The following BANP variants were observed in gnomAD, a reference collection of about 807,000 sequenced individuals.
BANP encodes the protein BTG3 associated nuclear protein.
In BANP, 11 loss-of-function variants were observed where a neutral mutation model predicts 68.1. That is an observed-to-expected ratio of 0.16 (90% CI 0.10 to 0.27). The LOEUF (loss-of-function observed/expected upper bound fraction) is 0.27, where lower values mean the gene tolerates loss of function less well. Ranked by LOEUF, BANP falls within the 10% of genes least tolerant of loss-of-function variation. The pLI is 1.00. For synonymous variants in BANP, 329 were observed against 303.2 expected (o/e 1.09, Z -0.88); for missense variants, 504 against 722.7 (o/e 0.70, Z 3.47).
intron 11 of BANP, among the ~76,000 whole-genome samples, chr16:88,054,891 C>T (rs2084594495): frequency 6.6e-6 from 1 of 152,120 alleles, no homozygotes; most frequent in South Asian, 2.1e-4. Flanking sequence ...ATCTAATGTG[C>T]AGTATGGTTT....
intron 2 of BANP, among the ~76,000 whole-genome samples, chr16:87,979,042 C>T (rs769117846): frequency 2.0e-5 from 3 of 152,148 alleles, no homozygotes; most frequent in South Asian, 2.1e-4. Flanking sequence ...CCAGGTAGAT[C>T]GGATTTGACT....
At position 88,033,130 on chromosome 16, in the gene BANP, C is replaced by A. The variant is rs575871053; in HGVS notation, c.1085C>A (p.Pro362His). The A allele has an allele frequency of 6.2e-7, 1 of 1,608,384 alleles. No homozygotes were observed. Among genetic ancestry groups the A allele is most frequent in the Non-Finnish European group, 8.5e-7 (1 of 1,175,882 alleles). ...CPSEPMMSTP[P>H]PASELPQPQP... Reference sequence around the variant, plus strand: ...ACAGAGCCGATGATGAGCACCCCACCTCCTGCCAGCGAGCTCCCGCAGCCA... The same window carrying A: ...ACAGAGCCGATGATGAGCACCCCACATCCTGCCAGCGAGCTCCCGCAGCCA... Residue 362 changes from proline to histidine, a missense_variant, in exon 9 of 14, where the codon CCT (proline) becomes CAT (histidine). This residue lies in a region of BANP where 223 missense variants were observed against 246.2 expected (regional missense o/e 0.91). Transcript: ENST00000682872.
intron 9 of BANP, among the ~76,000 whole-genome samples, chr16:88,033,593 T>C (rs9927296): frequency 0.71 from 108,755 of 152,156 alleles, 42,355 homozygotes; most frequent in East Asian, 0.88. Flanking sequence ...ATCGGAAATA[T>C]TTCTCAGTTC....
At chr16:88,051,401 C>T (rs1420252953) in intron 11 of BANP, among the ~76,000 whole-genome samples, 1 of 151,850 alleles carries the variant, frequency 6.6e-6, no homozygotes, top group Non-Finnish European at 1.5e-5. Flanking sequence ...GGGCAGGACC[C>T]GTGCCCAGCA....
chr16:87,956,757 C>G (rs1055293184), intron 1 of BANP: 4 of 151,964 alleles, frequency 2.6e-5, no homozygotes, highest in African/African-American at 7.3e-5. Context: ...GCCTGGGACT[C>G]CCTTTGTCTG....
chr16:88,001,341 C>T (rs540464200), intron 4 of BANP, among the ~76,000 whole-genome samples: 13 of 150,908 alleles, frequency 8.6e-5, no homozygotes, highest in Non-Finnish European at 1.3e-4. Flanking sequence ...TACCCAGACA[C>T]GTCTCCATGC....
At position 88,036,601 on chromosome 16, in the gene BANP, T is replaced by TG; in HGVS notation, c.1272+1208dup. The stretch of plus-strand genomic sequence containing the variant: ...TGGGTTATCCTGAGAGGGGAGCACA[T>TG]GCGTAAGGGTTCTGAGGGCGGAATG... On this transcript the variant is annotated intron_variant, in intron 10 of 13. Transcript: ENST00000682872. The surrounding 1 kb of genome is among the most constrained non-coding windows in gnomAD (Gnocchi z 4.2). Among the ~76,000 whole-genome samples the TG allele has an allele frequency of 6.6e-6, 1 of 151,816 alleles. No homozygotes were observed. Among genetic ancestry groups the TG allele is most frequent in the East Asian group, 1.9e-4 (1 of 5,150 alleles).
chr16:87,970,250 T>TATCC (rs2060874003), intron 1 of BANP: 1 of 152,244 alleles, frequency 6.6e-6, no homozygotes, highest in Non-Finnish European at 1.5e-5. Context: ...GGCCTCTGTA[T>TATCC]ATCCTGTCAC....
rs2069603475 is a variant in BANP at position 88,002,214 on chromosome 16, T to C, written c.363-2081T>C. On this transcript the variant is annotated intron_variant, in intron 4 of 13. Transcript: ENST00000682872. This position sits in a 1 kb window ranked among gnomAD's most constrained non-coding sequence, Gnocchi z 4.6. ...AAACTTGGGTCCCATCGGTAATATGTGGGAGAGGAAGGAGTCCTTGGCTTC... is the reference window on the plus strand; with the variant it reads ...AAACTTGGGTCCCATCGGTAATATGCGGGAGAGGAAGGAGTCCTTGGCTTC... Among the ~76,000 whole-genome samples the C allele has an allele frequency of 1.3e-5, 2 of 152,010 alleles. No individual in the cohort carries two copies. The highest frequency in any genetic ancestry group is 4.8e-5 in the African/African-American group (2 of 41,358).
chr16:88,037,763 TTTG>T (rs2079718499), intron 10 of BANP: 1 of 599,058 alleles, frequency 1.7e-6, no homozygotes, highest in Admixed American at 3.0e-5. Flanking sequence ...TTTTGAGTTG[TTTG>T]TTCATCTTTA....
At chr16:88,025,189 G>C (rs1250516028) in intron 7 of BANP, among the ~76,000 whole-genome samples, 2 of 152,204 alleles carry the variant, frequency 1.3e-5, no homozygotes, top group Non-Finnish European at 2.9e-5. Flanking sequence ...AAAATCAGTA[G>C]CTGGGCTCTC....
rs181076688 is a variant in BANP, at chr16:87,971,735, C to T, written c.-68-3313C>T. Among the ~76,000 whole-genome samples, 6 of 151,878 alleles carry T rather than the reference C, an allele frequency of 4.0e-5. No individual in the cohort carries two copies. In the East Asian group the frequency reaches 5.8e-4, roughly 15 times the overall value. ...TTAACGAGTAGTTTCAAGCACCCTC[C>T]GTCCTGTTTTCTGGAGAGCTTTCTT... On this transcript the variant is annotated intron_variant, in intron 1 of 13. Transcript: ENST00000682872.
intron 11 of BANP, among the ~76,000 whole-genome samples, chr16:88,045,879 C>T (rs73249002): frequency 0.011 from 1,648 of 152,310 alleles, 24 homozygotes; most frequent in African/African-American, 0.038. Context: ...GTCGCTTCCT[C>T]GTACTTCAGT....
intron 8 of BANP, among the ~76,000 whole-genome samples, chr16:88,031,736 T>A (rs1182022798): frequency 3.9e-5 from 6 of 151,958 alleles, no homozygotes; most frequent in Admixed American, 2.0e-4. Flanking sequence ...ATTTAATACC[T>A]ACCATTAGCT....
rs1183227882 is a variant in BANP, at chr16:88,044,351, C to G, written c.1311+6340C>G. On this transcript the variant is annotated intron_variant, in intron 11 of 13. Transcript: ENST00000682872. ...AGGACAACAGGCCACAGCGAGAAGG[C>G]AGCTTTCCACTGTGGTTCCAGAGCC... Among the ~76,000 whole-genome samples the G allele has an allele frequency of 2.6e-5, 4 of 152,252 alleles. No homozygotes were observed. The East Asian group carries it at 7.7e-4, about 29-fold the overall frequency.
intron 1 of BANP, among the ~76,000 whole-genome samples, chr16:87,962,102 C>T (rs1265135109): frequency 6.6e-6 from 1 of 151,866 alleles, no homozygotes; most frequent in African/African-American, 2.4e-5. Context: ...TAGCCTGGTG[C>T]AGTGGCGTGC....
At chr16:88,055,246 C>G (rs974541123) in intron 11 of BANP, among the ~76,000 whole-genome samples, 1 of 151,978 alleles carries the variant, frequency 6.6e-6, no homozygotes, top group South Asian at 2.1e-4. Flanking sequence ...TGTGTATGTT[C>G]TGGTAAACCC....
chr16:88,043,721 C>T (rs1400159272), intron 11 of BANP, among the ~76,000 whole-genome samples: 1 of 152,122 alleles, frequency 6.6e-6, no homozygotes, highest in East Asian at 1.9e-4. Context: ...CGGGGAGAGG[C>T]AGTCTGGTGT....
At chr16:88,028,142 C>T (rs1370319952) in intron 8 of BANP, among the ~76,000 whole-genome samples, 1 of 152,210 alleles carries the variant, frequency 6.6e-6, no homozygotes, top group Non-Finnish European at 1.5e-5. Context: ...AGAATTTTCA[C>T]TAGGAATGAC....
Sources: allele counts gnomAD v4.1 joint callset (sites outside exome capture counted in the v4.1 genomes callset), GRCh38; gene constraint gnomAD v4.1.1; regional missense constraint gnomAD v4.1.1; non-coding constraint Gnocchi (gnomAD v3.1); transcripts MANE v1.5; gene names NCBI Gene and HGNC (gene_info 2026-07-23, HGNC 2026-07-21).